ABCA13: variants seen among roughly 807,000 people sequenced by gnomAD.
ABCA13 encodes ATP binding cassette subfamily A member 13.
ABCA13 carries 476 observed loss-of-function variants against 478.7 expected under a neutral mutation model. That is an observed-to-expected ratio of 0.99 (90% CI 0.92 to 1.07). ABCA13 has a LOEUF of 1.07. Among genes scored for constraint, ABCA13 ranks in the 50% least tolerant of loss-of-function variants. The pLI is 0.00. For missense variants in ABCA13, 6,060 were observed against 5,910.6 expected, an observed-to-expected ratio of 1.03 and a Z score of -0.83; for synonymous variants, 2,252 against 2,158.9, an observed-to-expected ratio of 1.04 and a Z score of -1.20.
At chr7:48,485,914 T>G (rs1829253220) in intron 47 of ABCA13, among the ~76,000 whole-genome samples, 1 of 152,200 alleles carries the variant, frequency 6.6e-6, no homozygotes, top group African/African-American at 2.4e-5. Flanking sequence ...CCCCTTCCAT[T>G]GCCCTCCATA....
At chr7:48,414,606 A>G (rs1819720071) in intron 41 of ABCA13, among the ~76,000 whole-genome samples, 1 of 150,482 alleles carries the variant, frequency 6.6e-6, no homozygotes, top group Middle Eastern at 3.3e-3. Context: ...ACATATACAT[A>G]TATTACATGT....
chr7:48,293,203 G>A (rs63333961), intron 20 of ABCA13, among the ~76,000 whole-genome samples: 4,624 of 115,040 alleles, frequency 0.04, 404 homozygotes, highest in Admixed American at 0.13. Flanking sequence ...CCCCCCCCCC[G>A]CCACACACAC....
intron 31 of ABCA13, among the ~76,000 whole-genome samples, chr7:48,354,390 T>C (rs1277203248): frequency 1.3e-5 from 2 of 152,022 alleles, no homozygotes; most frequent in Non-Finnish European, 2.9e-5. Context: ...TACAAATGTA[T>C]TGATGGAAAT....
chr7:48,472,659 C>T (rs1827626144), intron 45 of ABCA13, among the ~76,000 whole-genome samples: 1 of 152,012 alleles, frequency 6.6e-6, no homozygotes, highest in Non-Finnish European at 1.5e-5. Context: ...TGTCATTTTG[C>T]AGTGAAGTGC....
At chr7:48,417,408 C>T (rs567477678) in intron 41 of ABCA13, among the ~76,000 whole-genome samples, 25 of 152,246 alleles carry the variant, frequency 1.6e-4, no homozygotes, top group Admixed American at 2.6e-4. Flanking sequence ...ATGGGAAGGG[C>T]CTGGGAATCA....
At chr7:48,215,277 G>A (rs189762785) in intron 3 of ABCA13, among the ~76,000 whole-genome samples, 1 of 152,254 alleles carries the variant, frequency 6.6e-6, no homozygotes, top group Admixed American at 6.5e-5. Context: ...CCGAGGAGAG[G>A]AAGAGAGATG....
chr7:48,287,807 C>G (rs1017470658), intron 19 of ABCA13, among the ~76,000 whole-genome samples, 153 bp from the exon 20 acceptor site: 1 of 152,208 alleles, frequency 6.6e-6, no homozygotes, highest in African/African-American at 2.4e-5. Context: ...AAAGGCACAG[C>G]TTTACCCTCA....
At chr7:48,308,104 T>A (rs1269904488) in intron 23 of ABCA13, among the ~76,000 whole-genome samples, 3 of 151,766 alleles carry the variant, frequency 2.0e-5, no homozygotes. Flanking sequence ...TAAGCTTTTT[T>A]CTATTTTAAG....
rs527278126 is a variant in ABCA13 at position 48,273,796 on chromosome 7, C to G, written c.4130C>G (p.Thr1377Arg). 3.7e-6 allele frequency: 6 copies of G among 1,611,242 alleles called. No individual in the cohort carries two copies. The highest frequency in any genetic ancestry group is 3.4e-5 in the Admixed American group (2 of 59,666). ...TSQRMLRILD[T>R]LNSTFSSENT... Reference sequence around the variant, plus strand: ...CAGAGGATGTTACGTATTCTAGACACGTTAAATTCCACATTTTCCTCTGAG... The same window carrying G: ...CAGAGGATGTTACGTATTCTAGACAGGTTAAATTCCACATTTTCCTCTGAG... The change falls in exon 17 of 62, where the codon ACG (threonine) becomes AGG (arginine). Residue 1377 changes from threonine to arginine, a missense_variant. Transcript: ENST00000435803.
chr7:48,644,817 C>A, intron 61 of ABCA13, 63 bp downstream of exon 61: 1 of 1,423,612 alleles, frequency 7.0e-7, no homozygotes, highest in Non-Finnish European at 9.3e-7. Flanking sequence ...CTAATGTAGC[C>A]AATTTTAAAA....
intron 23 of ABCA13, among the ~76,000 whole-genome samples, chr7:48,305,113 C>G (rs1317700448): frequency 6.6e-6 from 1 of 152,256 alleles, no homozygotes; most frequent in East Asian, 1.9e-4. Context: ...CTTATATACA[C>G]TACCCCTGAG....
chr7:48,373,224 G>A (rs1265190610), intron 33 of ABCA13, among the ~76,000 whole-genome samples: 1 of 152,126 alleles, frequency 6.6e-6, no homozygotes, highest in Non-Finnish European at 1.5e-5. Context: ...CATTAACAGA[G>A]ACTTTGGGGA....
intron 53 of ABCA13, among the ~76,000 whole-genome samples, chr7:48,521,042 T>C (rs1332998401): frequency 1.4e-5 from 2 of 141,312 alleles, no homozygotes; most frequent in African/African-American, 2.9e-5. Context: ...TGTAGATATA[T>C]AATGTGGTTT....
rs116630690 is a variant in ABCA13, at chr7:48,408,217, C to T, written c.12071-2303C>T. 1.9e-3 allele frequency among the ~76,000 whole-genome samples: 291 copies of T among 152,282 alleles called. 1 individual carries two copies. The highest frequency in any genetic ancestry group is 6.4e-3 in the African/African-American group (264 of 41,560). On this transcript the variant is annotated intron_variant, in intron 39 of 61. Coordinates refer to ENST00000435803, the MANE Select transcript of ABCA13 (RefSeq NM_152701.5). ...CTGAAACTTTGTATCCCTTAACTAA[C>T]ATCTCCCTCCTTCTCCTCCCTCCCT...
At position 48,275,574 on chromosome 7, in the gene ABCA13, G is replaced by C; in HGVS notation, c.5908G>C (p.Gly1970Arg). ...KNVNFTKVTS[G>R]ENILDKLSSL... ...TGTCAACTTTACAAAAGTTACATCAGGTGAAAATATTCTTGACAAACTAAG... is the reference window on the plus strand; with the variant it reads ...TGTCAACTTTACAAAAGTTACATCACGTGAAAATATTCTTGACAAACTAAG... The change falls in exon 17 of 62, where the codon GGT (glycine) becomes CGT (arginine). Residue 1970 changes from glycine to arginine, a missense_variant. By Grantham distance (125) the Gly-to-Arg change is moderately radical. Around this residue, in one of 3 missense-constraint regions of ABCA13, gnomAD observed 4,423 missense variants for 4,309.1 expected, o/e 1.03. Transcript: ENST00000435803. 6.2e-7 allele frequency: 1 copy of C among 1,613,388 alleles called. No homozygotes were observed. Among genetic ancestry groups the C allele is most frequent in the Non-Finnish European group, 8.5e-7 (1 of 1,179,684 alleles).
rs758761072 is a variant in ABCA13, at chr7:48,310,098, T to A, written c.9473T>A (p.Val3158Glu). 1 of 1,613,566 alleles carries A rather than the reference T, an allele frequency of 6.2e-7. No individual in the cohort carries two copies. The highest frequency in any genetic ancestry group is 2.2e-5 in the East Asian group (1 of 44,864). ...LPGSKVYSLI[V>E]LLSRNLDVRA... ...GGGTCAAAAGTGTATTCTCTGATTG[T>A]GTTGCTGAGTCGAAACTTGGATGTG... The change falls in exon 24 of 62, where the codon GTG becomes GAG. Residue 3158 changes from valine to glutamate, a missense_variant. Transcript: ENST00000435803.
intron 45 of ABCA13, among the ~76,000 whole-genome samples, chr7:48,480,312 C>A: frequency 6.6e-6 from 1 of 152,230 alleles, no homozygotes; most frequent in East Asian, 1.9e-4. Context: ...TCCTCCCTGG[C>A]AACACTCATT....
chr7:48,369,921 T>C (rs2129021024), intron 32 of ABCA13, among the ~76,000 whole-genome samples: 1 of 152,242 alleles, frequency 6.6e-6, no homozygotes. Flanking sequence ...TTTTTAGTTC[T>C]GTGAAGAGTA....
In ABCA13 at chr7:48,507,968, G is replaced by T. The variant is rs376330559; in HGVS notation, c.13443G>T (p.Arg4481Ser). 3 of 1,613,708 alleles carry T rather than the reference G, an allele frequency of 1.9e-6. No homozygotes were observed. Among genetic ancestry groups the T allele is most frequent in the Non-Finnish European group, 2.5e-6 (3 of 1,179,830 alleles). The change falls in exon 50 of 62, where the codon AGG becomes AGT. Residue 4481 changes from arginine (R) to serine (S), a missense_variant. Around this residue, in one of 3 missense-constraint regions of ABCA13, gnomAD observed 1,627 missense variants for 1,571.0 expected, o/e 1.04. Transcript: ENST00000435803. ...ASIGSSVVRD[R>S]VIGAKRLQHI... ...TCGGCAGCTCTGTGGTGAGGGACAG[G>T]GTGATTGGAGCCAAAAGGTTGCAGC...
Sources: gnomAD v4.1 joint callset for allele counts (sites outside exome capture counted in the v4.1 genomes callset) on GRCh38, gnomAD v4.1.1 for gene constraint, gnomAD v4.1.1 regional missense constraint, MANE v1.5 for transcripts, NCBI Gene and HGNC (gene_info 2026-07-23, HGNC 2026-07-21) for gene names.